LRRC3B: variants seen among roughly 807,000 people sequenced by gnomAD.
LRRC3B encodes the protein leucine-rich repeat-containing protein 3B.
In LRRC3B, 2 loss-of-function variants were observed where a neutral mutation model predicts 12.8. The observed-to-expected ratio is 0.16, with a 90% CI of 0.06 to 0.49. LRRC3B has a LOEUF of 0.49. Among genes scored for constraint, LRRC3B ranks in the 20% least tolerant of loss-of-function variants. LRRC3B has a pLI of 0.96. For missense variants in LRRC3B, 189 were observed against 319.4 expected (o/e 0.59, Z 3.11); for synonymous variants, 132 against 122.0 (o/e 1.08, Z -0.54).
intron 1 of LRRC3B, among the ~76,000 whole-genome samples, chr3:26,655,729 A>T (rs912273554): frequency 4.6e-5 from 7 of 152,114 alleles, no homozygotes; most frequent in Non-Finnish European, 8.8e-5. Flanking sequence ...CTGCAATTCT[A>T]ACTGTGTCAT....
intron 1 of LRRC3B, among the ~76,000 whole-genome samples, chr3:26,702,712 C>A (rs1700487034): frequency 6.6e-6 from 1 of 152,054 alleles, no homozygotes; most frequent in Non-Finnish European, 1.5e-5. Context: ...AGGATGGAAG[C>A]ACAGAGACTG....
intron 1 of LRRC3B, among the ~76,000 whole-genome samples, chr3:26,642,909 C>T (rs759499975): frequency 1.3e-4 from 20 of 151,424 alleles, no homozygotes; most frequent in African/African-American, 3.4e-4. Context: ...CCCAGCTATT[C>T]GGGAGGCTGA....
chr3:26,635,418 A>G (rs2125403302), intron 1 of LRRC3B, among the ~76,000 whole-genome samples: 2 of 152,318 alleles, frequency 1.3e-5, no homozygotes, highest in South Asian at 4.1e-4. Context: ...TTAGATCTAG[A>G]TGAAGTCATG....
At chr3:26,634,766 A>T (rs1698830519) in intron 1 of LRRC3B, among the ~76,000 whole-genome samples, 1 of 152,206 alleles carries the variant, frequency 6.6e-6, no homozygotes, top group Non-Finnish European at 1.5e-5. Context: ...ATCAAACCCT[A>T]TAAAAGTCAA....
intron 1 of LRRC3B, among the ~76,000 whole-genome samples, chr3:26,644,481 G>A (rs907177296): frequency 2.0e-5 from 3 of 152,074 alleles, no homozygotes; most frequent in African/African-American, 7.2e-5. Flanking sequence ...GGAACAATCA[G>A]ACACATTTAA....
At chr3:26,631,858 G>A (rs1033271485) in intron 1 of LRRC3B, among the ~76,000 whole-genome samples, 1 of 151,206 alleles carries the variant, frequency 6.6e-6, no homozygotes, top group Non-Finnish European at 1.5e-5. Context: ...AGGGAAATTA[G>A]GAGTTAAATG....
At chr3:26,705,700 A>G (rs1377792915) in intron 1 of LRRC3B, among the ~76,000 whole-genome samples, 1 of 152,034 alleles carries the variant, frequency 6.6e-6, no homozygotes, top group Non-Finnish European at 1.5e-5. Context: ...CTTTCAAGCT[A>G]AGGGAGTTTT....
At chr3:26,652,935 T>C (rs1237259259) in intron 1 of LRRC3B, among the ~76,000 whole-genome samples, 1 of 152,260 alleles carries the variant, frequency 6.6e-6, no homozygotes, top group Middle Eastern at 3.4e-3. Flanking sequence ...TGGCATAATC[T>C]CATATCTCTT....
intron 1 of LRRC3B, among the ~76,000 whole-genome samples, chr3:26,653,221 G>C (rs1559355952): frequency 6.6e-6 from 1 of 151,924 alleles, no homozygotes; most frequent in Non-Finnish European, 1.5e-5. Flanking sequence ...AGGAAAATGA[G>C]GGAAAAAATA....
chr3:26,636,928 T>C (rs865836612), intron 1 of LRRC3B, among the ~76,000 whole-genome samples: 14 of 81,464 alleles, frequency 1.7e-4, no homozygotes, highest in South Asian at 9.5e-4. Context: ...CTTTCTTTCT[T>C]TCTTTCTTTC....
chr3:26,627,856 A>G (rs1698662889), intron 1 of LRRC3B, among the ~76,000 whole-genome samples: 1 of 152,204 alleles, frequency 6.6e-6, no homozygotes, highest in African/African-American at 2.4e-5. Context: ...AGGTGGGGAT[A>G]CCGGCTTAGT....
intron 1 of LRRC3B, chr3:26,624,011 CG>C (rs1348692563): frequency 6.6e-6 from 1 of 152,234 alleles, no homozygotes; most frequent in Non-Finnish European, 1.5e-5. Context: ...GGCCATCTGA[CG>C]AAGAGGAAAA....
At chr3:26,624,771 TA>T (rs1698586730) in intron 1 of LRRC3B, 1 of 152,272 alleles carries the variant, frequency 6.6e-6, no homozygotes, top group Admixed American at 6.5e-5. Flanking sequence ...AGCTCCCAGG[TA>T]GATTCTTCTT....
In LRRC3B at chr3:26,633,067, TTGA is replaced by T. The variant is rs1243846182; in HGVS notation, c.-161+9833_-161+9835del. Among the ~76,000 whole-genome samples, 3 of 152,150 alleles carry T rather than the reference TTGA, an allele frequency of 2.0e-5. No individual in the cohort carries two copies. In the East Asian group the frequency reaches 5.8e-4, roughly 29 times the overall value. ...CACTGCCCCTGCCCCACCAAAAGAC[TTGA>T]TGTTCCTGCAACAGAAAGCGCTCTT... On this transcript the variant is annotated intron_variant, in intron 1 of 1. Coordinates refer to ENST00000396641, the Ensembl canonical transcript of LRRC3B.
intron 1 of LRRC3B, among the ~76,000 whole-genome samples, chr3:26,632,421 CT>C (rs1423052315): frequency 9.2e-5 from 14 of 152,216 alleles, no homozygotes; most frequent in African/African-American, 3.4e-4. Flanking sequence ...TTCAAGGAAG[CT>C]GAGAGGCTGA....
chr3:26,679,012 G>T (rs1250357292), intron 1 of LRRC3B, among the ~76,000 whole-genome samples: 1 of 152,158 alleles, frequency 6.6e-6, no homozygotes, highest in African/African-American at 2.4e-5. Context: ...GATGAGAAAA[G>T]ATATTATCAA....
chr3:26,630,445 A>G (rs1365253249), intron 1 of LRRC3B, among the ~76,000 whole-genome samples: 1 of 149,076 alleles, frequency 6.7e-6, no homozygotes, highest in East Asian at 2.0e-4. Flanking sequence ...TTATAAAAGA[A>G]ACCACTGTTA....
intron 1 of LRRC3B, among the ~76,000 whole-genome samples, chr3:26,650,115 AC>A: frequency 6.6e-6 from 1 of 152,202 alleles, no homozygotes; most frequent in Non-Finnish European, 1.5e-5. Context: ...AAACTTAATT[AC>A]AAAAAACTTA....
At chr3:26,675,976 T>C (rs534600967) in intron 1 of LRRC3B, among the ~76,000 whole-genome samples, 96 of 152,208 alleles carry the variant, frequency 6.3e-4, no homozygotes, top group African/African-American at 2.3e-3. Context: ...CTTTCTTTTT[T>C]TTTTTAATGG....
Sources: allele counts gnomAD v4.1 joint callset (sites outside exome capture counted in the v4.1 genomes callset), GRCh38; gene constraint gnomAD v4.1.1; transcripts MANE v1.5; gene names NCBI Gene and HGNC (gene_info 2026-07-23, HGNC 2026-07-21).